PTPN14: variants seen among roughly 807,000 people sequenced by gnomAD.
PTPN14 encodes tyrosine-protein phosphatase non-receptor type 14.
Under a neutral mutation model 126.8 loss-of-function variants are expected in PTPN14, and 53 were observed. The ratio of observed to expected loss-of-function variants is 0.42; its 90% CI spans 0.34 to 0.53. The LOEUF is 0.53. Among genes scored for constraint, PTPN14 ranks in the 20% least tolerant of loss-of-function variants. The pLI is 0.08. For synonymous variants in PTPN14, 630 were observed against 599.3 expected (o/e 1.05, Z -0.75); for missense variants, 1,257 against 1,552.9 (o/e 0.81, Z 3.20).
chr1:214,466,460 G>A (rs1281086924), intron 1 of PTPN14, among the ~76,000 whole-genome samples: 2 of 152,050 alleles, frequency 1.3e-5, no homozygotes, highest in East Asian at 3.9e-4. Flanking sequence ...TACTATTATA[G>A]TAACAAGACT....
chr1:214,462,858 G>GT (rs1553268874), intron 2 of PTPN14, among the ~76,000 whole-genome samples: 36 of 151,662 alleles, frequency 2.4e-4, no homozygotes, highest in African/African-American at 7.3e-4. Flanking sequence ...ACAAAAAATG[G>GT]GTTTTTTTTA....
In PTPN14 at chr1:214,356,705, A is replaced by G. The variant is rs1657828829; in HGVS notation, c.*1217T>C. The G allele has an allele frequency of 6.6e-6, 1 of 152,188 alleles. No homozygotes were observed. Among genetic ancestry groups the G allele is most frequent in the Admixed American group, 6.5e-5 (1 of 15,282 alleles). 9.4% of individuals were successfully genotyped at this position (152,188 alleles called of 1,614,324 possible). A position where few individuals can be genotyped will look rare whatever the true frequency, so the allele number is the denominator to read the frequency against. ...CATCAAGTGGCCCCAAGTTTGGACT[A>G]TGGGGTCCCGAGTGGGATTAATTCT... On this transcript the variant is annotated 3_prime_UTR_variant, in exon 19 of 19. Transcript: ENST00000366956.
At chr1:214,446,639 G>A (rs867609879) in intron 3 of PTPN14, among the ~76,000 whole-genome samples, 1 of 152,012 alleles carries the variant, frequency 6.6e-6, no homozygotes, top group African/African-American at 2.4e-5. Flanking sequence ...CCATGGGTGT[G>A]ATTCTCTGGG....
chr1:214,517,645 A>G (rs1655142986), intron 1 of PTPN14, among the ~76,000 whole-genome samples: 1 of 152,136 alleles, frequency 6.6e-6, no homozygotes, highest in African/African-American at 2.4e-5. Flanking sequence ...AGGCAGGAGG[A>G]GTAGGGAGGG....
intron 1 of PTPN14, among the ~76,000 whole-genome samples, chr1:214,485,205 G>C (rs1260870999): frequency 1.3e-5 from 2 of 152,274 alleles, no homozygotes; most frequent in East Asian, 3.9e-4. Context: ...CACCATCCTA[G>C]CTAACATTAT....
intron 5 of PTPN14, among the ~76,000 whole-genome samples, chr1:214,406,478 G>GAA (rs551324659): frequency 8.6e-6 from 1 of 116,418 alleles, no homozygotes. Flanking sequence ...GAGATTGTCT[G>GAA]AAAAAAAAAA....
In PTPN14 at chr1:214,448,914, T is replaced by C. The variant is rs147833719; in HGVS notation, c.344+2891A>G. ...TGGACTTCACTTACTTAGACCCTAA[T>C]TTTGTGCTCCAGAACTGACAAAGAA... On this transcript the variant is annotated intron_variant, in intron 3 of 18. Transcript: ENST00000366956. Among the ~76,000 whole-genome samples the C allele has an allele frequency of 7.2e-5, 11 of 152,238 alleles. No homozygotes were observed. In the East Asian group the frequency reaches 2.1e-3, roughly 29 times the overall value.
In PTPN14 at chr1:214,364,964, T is replaced by C. The variant is rs1288299383; in HGVS notation, c.3272-289A>G. Among the ~76,000 whole-genome samples, 2 of 152,128 alleles carry C rather than the reference T, an allele frequency of 1.3e-5. No individual in the cohort carries two copies. Among genetic ancestry groups the C allele is most frequent in the South Asian group, 2.1e-4 (1 of 4,824 alleles). On this transcript the variant is annotated intron_variant, in intron 17 of 18. Coordinates refer to ENST00000366956, the MANE Select transcript of PTPN14 (RefSeq NM_005401.5). The surrounding 1 kb of genome is among the most constrained non-coding windows in gnomAD (Gnocchi z 4.1). ...TAGTACTTTTTTAAAAATTAAATTC[T>C]GTTTTCCCCTCTGCAAATCCCTAAG...
chr1:214,462,147 C>G (rs562349715), intron 2 of PTPN14, among the ~76,000 whole-genome samples: 1 of 152,104 alleles, frequency 6.6e-6, no homozygotes, highest in Non-Finnish European at 1.5e-5. Flanking sequence ...TGGTCGAATG[C>G]GGATGCACCC....
intron 3 of PTPN14, among the ~76,000 whole-genome samples, chr1:214,433,271 C>T (rs1302706662): frequency 6.8e-6 from 1 of 146,108 alleles, no homozygotes. Context: ...TGACTACTAG[C>T]ACAAAGACAA....
chr1:214,517,267 T>C (rs1655127724), intron 1 of PTPN14, among the ~76,000 whole-genome samples: 3 of 151,112 alleles, frequency 2.0e-5, no homozygotes, highest in South Asian at 4.1e-4. Context: ...ACAAACTTTA[T>C]GTATGTATGA....
chr1:214,529,049 C>T (rs12136882), intron 1 of PTPN14: 39,785 of 151,918 alleles, frequency 0.26, 9,597 homozygotes, highest in African/African-American at 0.64. Context: ...ACACCTGTAG[C>T]TCTAAGACTT....
chr1:214,402,110 TA>T (rs952421810), intron 6 of PTPN14, among the ~76,000 whole-genome samples: 63 of 144,164 alleles, frequency 4.4e-4, no homozygotes, highest in South Asian at 8.9e-4. Flanking sequence ...TCTTCATTAT[TA>T]AAAAAAAAAA....
At chr1:214,534,712 C>CTAAATAAATA (rs1553276440) in intron 1 of PTPN14, among the ~76,000 whole-genome samples, 50 of 141,686 alleles carry the variant, frequency 3.5e-4, no homozygotes, top group African/African-American at 1.3e-3. Flanking sequence ...GACTCCTTCT[C>CTAAATAAATA]AATAAATAAA....
chr1:214,454,071 T>C (rs1006429674), intron 2 of PTPN14, among the ~76,000 whole-genome samples: 55 of 152,188 alleles, frequency 3.6e-4, no homozygotes, highest in Non-Finnish European at 7.2e-4. Flanking sequence ...TATGAGGGTA[T>C]TCCACGGTAT....
At chr1:214,536,326 T>C (rs2102477560) in intron 1 of PTPN14, among the ~76,000 whole-genome samples, 1 of 151,816 alleles carries the variant, frequency 6.6e-6, no homozygotes, top group South Asian at 2.1e-4. Context: ...AAGGATTGCT[T>C]GAGCCCAGGA....
chr1:214,401,253 T>C (rs1379607636), intron 7 of PTPN14, among the ~76,000 whole-genome samples: 2 of 152,190 alleles, frequency 1.3e-5, no homozygotes, highest in African/African-American at 4.8e-5. Flanking sequence ...AAATAAAGCA[T>C]GATTGTATAC....
At chr1:214,478,179 T>A (rs1302187476) in intron 1 of PTPN14, among the ~76,000 whole-genome samples, 1 of 152,254 alleles carries the variant, frequency 6.6e-6, no homozygotes, top group East Asian at 1.9e-4. Flanking sequence ...ATAAGGATGC[T>A]GCATTCAACG....
intron 3 of PTPN14, among the ~76,000 whole-genome samples, chr1:214,426,032 C>CAAAAAAAAAAAAAAAAAA (rs66656875): frequency 8.9e-5 from 3 of 33,852 alleles, no homozygotes; most frequent in Non-Finnish European, 1.5e-4. Context: ...GCATAAATCG[C>CAAAAAAAAAAAAAAAAAA]AAAAAAAAAA....
Sources: allele counts gnomAD v4.1 joint callset (sites outside exome capture counted in the v4.1 genomes callset), GRCh38; gene constraint gnomAD v4.1.1; non-coding constraint Gnocchi (gnomAD v3.1); transcripts MANE v1.5; gene names NCBI Gene and HGNC (gene_info 2026-07-23, HGNC 2026-07-21).